The following CACNA1C variants were observed in gnomAD, a reference collection of about 807,000 sequenced individuals.
CACNA1C encodes the protein voltage-dependent L-type calcium channel subunit alpha-1C.
In CACNA1C, 30 loss-of-function variants were observed where a neutral mutation model predicts 229.0. The observed-to-expected ratio is 0.13, with a 90% CI of 0.10 to 0.18. The LOEUF is 0.18. CACNA1C is among the 10% of genes least tolerant of loss of function. The probability of loss-of-function intolerance (pLI) is 1.00; values close to 1 mark genes in which losing one functional copy is unlikely to be tolerated. For missense variants in CACNA1C, 1,658 were observed against 2,845.0 expected (o/e 0.58, Z 9.49); for synonymous variants, 1,114 against 1,132.5 (o/e 0.98, Z 0.33).
intron 1 of CACNA1C, among the ~76,000 whole-genome samples, chr12:2,078,230 A>C (rs1453899501): frequency 6.6e-6 from 1 of 152,200 alleles, no homozygotes; most frequent in Non-Finnish European, 1.5e-5. Context: ...TCTGCAAGCC[A>C]AAAGGAGAGC....
chr12:2,503,183 C>T (rs56073310), intron 7 of CACNA1C, among the ~76,000 whole-genome samples: 5,890 of 152,302 alleles, frequency 0.039, 166 homozygotes, highest in Middle Eastern at 0.11. Flanking sequence ...GTTGCTGGGC[C>T]TTCCCCACAG....
At chr12:2,236,920 C>T (rs2067614444) in intron 3 of CACNA1C, among the ~76,000 whole-genome samples, 1 of 152,220 alleles carries the variant, frequency 6.6e-6, no homozygotes, top group Admixed American at 6.5e-5. Context: ...TCCCTCCAGT[C>T]CTGCAGTTAG....
chr12:2,563,452 C>T (rs994032664), intron 11 of CACNA1C, among the ~76,000 whole-genome samples: 4 of 152,144 alleles, frequency 2.6e-5, no homozygotes, highest in Admixed American at 6.5e-5. Flanking sequence ...AGGCCAGTGT[C>T]GCATGTTAAG....
In CACNA1C at chr12:2,693,022, T is replaced by G. The variant is rs2097803940; in HGVS notation, c.*1823T>G. ...CTTTAGTTTGCACAATGAGCAAAGG[T>G]ATCACCAGTGTAGTCATTATTCTGC... On this transcript the variant is annotated 3_prime_UTR_variant, in exon 47 of 47. Transcript: ENST00000399655. 6.6e-6 allele frequency: 1 copy of G among 152,642 alleles called. No individual in the cohort carries two copies. The allele number at this position is 152,642 out of a possible 1,614,324, so 9.5% of individuals were successfully genotyped here.
At position 2,679,914 on chromosome 12, in the gene CACNA1C, G is replaced by A. The variant is rs1182477033; in HGVS notation, c.5444+118G>A. The A allele has an allele frequency of 4.0e-6, 3 of 741,050 alleles. No homozygotes were observed. The highest frequency in any genetic ancestry group is 4.4e-6 in the Non-Finnish European group (2 of 454,848). 45.9% of individuals were successfully genotyped at this position (741,050 alleles called of 1,614,324 possible). ...CACTTGTCCCTCAAGCTTCCAGGAG[G>A]TTGCTGCCCCAGACTCCAGCAAGAG... On this transcript the variant is annotated intron_variant, in intron 42 of 46. Coordinates refer to ENST00000399655, the MANE Select transcript of CACNA1C (RefSeq NM_000719.7). This position sits in a 1 kb window ranked among gnomAD's most constrained non-coding sequence, Gnocchi z 5.5.
intron 9 of CACNA1C, among the ~76,000 whole-genome samples, chr12:2,547,741 A>C (rs1018067684): frequency 1.3e-5 from 2 of 152,214 alleles, no homozygotes; most frequent in Non-Finnish European, 2.9e-5. Flanking sequence ...GTGTAAAGTC[A>C]GTGGGTGTGA....
At position 2,552,591 on chromosome 12, in the gene CACNA1C, C is replaced by A. The variant is rs537736920; in HGVS notation, c.1481+2558C>A. Among the ~76,000 whole-genome samples the A allele has an allele frequency of 2.6e-5, 4 of 152,250 alleles. No homozygotes were observed. In the South Asian group the frequency reaches 8.3e-4, roughly 32 times the overall value. ...GGTTAGTTCTGAGCTCCTGAAGGAT[C>A]ACTGCGACGTCAGGAAAAGAGCAGG... On this transcript the variant is annotated intron_variant, in intron 10 of 46. Transcript: ENST00000399655.
chr12:2,475,999 T>G (rs1346739162), intron 5 of CACNA1C, among the ~76,000 whole-genome samples: 3 of 152,176 alleles, frequency 2.0e-5, no homozygotes, highest in African/African-American at 4.8e-5. Context: ...TTTCACAGTT[T>G]TTTCCAAAAA....
intron 9 of CACNA1C, among the ~76,000 whole-genome samples, chr12:2,544,998 A>C (rs972811159): frequency 2.0e-5 from 3 of 152,180 alleles, no homozygotes; most frequent in Non-Finnish European, 4.4e-5. Flanking sequence ...GCTGTAGTGA[A>C]TCATACTAAC....
At chr12:1,994,989 G>A (rs1192899945) in intron 1 of CACNA1C, among the ~76,000 whole-genome samples, 10 of 147,318 alleles carry the variant, frequency 6.8e-5, no homozygotes, top group African/African-American at 2.3e-4. Flanking sequence ...GGATCTGGGA[G>A]GTTTTTGTTT....
rs1274435687 is a variant in CACNA1C at position 2,486,895 on chromosome 12, T to G, written c.916+633T>G. ...AAGGAGAAGGCTTAGTTCTACCCCATGACTCCCAGTCCCTTCCTTTTTGAG... is the reference window on the plus strand; with the variant it reads ...AAGGAGAAGGCTTAGTTCTACCCCAGGACTCCCAGTCCCTTCCTTTTTGAG... On this transcript the variant is annotated intron_variant, in intron 6 of 46. Transcript: ENST00000399655. This position sits in a 1 kb window ranked among gnomAD's most constrained non-coding sequence, Gnocchi z 4.9. Among the ~76,000 whole-genome samples the G allele has an allele frequency of 1.3e-5, 2 of 152,210 alleles. No individual in the cohort carries two copies. The highest frequency in any genetic ancestry group is 2.9e-5 in the Non-Finnish European group (2 of 68,024).
At chr12:2,193,165 C>T (rs1321363088) in intron 3 of CACNA1C, among the ~76,000 whole-genome samples, 1 of 152,224 alleles carries the variant, frequency 6.6e-6, no homozygotes, top group African/African-American at 2.4e-5. Flanking sequence ...TGAAACTTGT[C>T]ACGTCAAGGC....
intron 3 of CACNA1C, among the ~76,000 whole-genome samples, chr12:2,208,650 A>G (rs939300469): frequency 1.3e-5 from 2 of 152,276 alleles, no homozygotes; most frequent in African/African-American, 2.4e-5. Context: ...CAACCCATAC[A>G]GTGTTTTACT....
chr12:2,285,604 C>T lies in CACNA1C; in HGVS notation c.478-163372C>T, dbSNP rs186727267. 1.1e-4 allele frequency among the ~76,000 whole-genome samples: 16 copies of T among 152,254 alleles called. No individual in the cohort carries two copies. In the East Asian group the frequency reaches 1.5e-3, roughly 15 times the overall value. On this transcript the variant is annotated intron_variant, in intron 3 of 46. Transcript: ENST00000399655. The surrounding 1 kb of genome is among the most constrained non-coding windows in gnomAD (Gnocchi z 4.2). Reference sequence around the variant, plus strand: ...TTTCAATGAGAGGACTCTGCTGTGCCGCAGAGCTGGAATCACTCAAAGCAG... The same window carrying T: ...TTTCAATGAGAGGACTCTGCTGTGCTGCAGAGCTGGAATCACTCAAAGCAG...
intron 3 of CACNA1C, among the ~76,000 whole-genome samples, chr12:2,429,018 G>A (rs961571166): frequency 8.5e-5 from 13 of 152,144 alleles, no homozygotes; most frequent in Non-Finnish European, 1.5e-4. Context: ...AGGAGTTGGC[G>A]GGGCCATTCT....
intron 1 of CACNA1C, among the ~76,000 whole-genome samples, chr12:1,985,073 T>C (rs1272214234): frequency 6.6e-6 from 1 of 152,116 alleles, no homozygotes; most frequent in Non-Finnish European, 1.5e-5. Context: ...AGCAGTTTGA[T>C]TGTGACTGTC....
chr12:2,270,556 GC>G (rs1225192745), intron 3 of CACNA1C, among the ~76,000 whole-genome samples: 1 of 152,160 alleles, frequency 6.6e-6, no homozygotes, highest in Non-Finnish European at 1.5e-5. Context: ...TTGAGTGGGG[GC>G]CACAGCACTC....
At chr12:2,675,806 A>C (rs570338037) in intron 39 of CACNA1C, among the ~76,000 whole-genome samples, 1 of 152,214 alleles carries the variant, frequency 6.6e-6, no homozygotes, top group Non-Finnish European at 1.5e-5. Flanking sequence ...CTGTGATTGC[A>C]GAACATGCCT....
chr12:2,449,900 G>A (rs919582971), intron 4 of CACNA1C, among the ~76,000 whole-genome samples: 1 of 152,208 alleles, frequency 6.6e-6, no homozygotes, highest in Non-Finnish European at 1.5e-5. Flanking sequence ...GGCTGTGCCT[G>A]TGCTCTGGAC....
Sources: allele counts gnomAD v4.1 joint callset (sites outside exome capture counted in the v4.1 genomes callset), GRCh38; gene constraint gnomAD v4.1.1; non-coding constraint Gnocchi (gnomAD v3.1); transcripts MANE v1.5; gene names NCBI Gene and HGNC (gene_info 2026-07-23, HGNC 2026-07-21).